The following NUAK1 variants were observed in gnomAD, a reference collection of about 807,000 sequenced individuals.
NUAK1 encodes the protein NUAK family kinase 1.
A neutral mutation model predicts 56.9 loss-of-function variants in NUAK1; 26 were observed. The ratio of observed to expected loss-of-function variants is 0.46; its 90% CI spans 0.33 to 0.63. The LOEUF (loss-of-function observed/expected upper bound fraction) is 0.63. Ranked by LOEUF, NUAK1 falls within the 30% of genes least tolerant of loss-of-function variation. NUAK1 has a pLI of 0.02. For missense variants in NUAK1, 727 were observed against 876.1 expected (o/e 0.83, Z 2.15); for synonymous variants, 337 against 336.0 (o/e 1.00, Z -0.03).
intron 1 of NUAK1, among the ~76,000 whole-genome samples, chr12:106,118,716 C>T (rs1469317323): frequency 2.0e-5 from 3 of 152,162 alleles, no homozygotes; most frequent in African/African-American, 7.2e-5. Context: ...ACACAAATAC[C>T]AATATTCCCC....
At chr12:106,110,094 T>C (rs1184805047) in intron 1 of NUAK1, among the ~76,000 whole-genome samples, 1 of 152,168 alleles carries the variant, frequency 6.6e-6, no homozygotes, top group Non-Finnish European at 1.5e-5. Flanking sequence ...CACACCATTA[T>C]CAGCAGGGCT....
chr12:106,109,240 A>G (rs1051087872), intron 1 of NUAK1, among the ~76,000 whole-genome samples: 4 of 152,202 alleles, frequency 2.6e-5, no homozygotes, highest in African/African-American at 9.6e-5. Flanking sequence ...CACTACTACT[A>G]CTAATAGTAA....
chr12:106,101,827 C>G lies in NUAK1; in HGVS notation c.361+4578G>C, dbSNP rs193291062. The stretch of plus-strand genomic sequence containing the variant: ...ACCAGATGTGGGAGGCCTTTGTAAA[C>G]TATGAAGAGTTCTACAGATGGCAGG... On this transcript the variant is annotated intron_variant, in intron 2 of 6. Transcript: ENST00000261402. Among the ~76,000 whole-genome samples, 402 of 152,278 alleles carry G rather than the reference C, an allele frequency of 2.6e-3. 4 individuals are homozygous for G. The highest frequency in any genetic ancestry group is 0.012 in the Admixed American group (191 of 15,284).
At chr12:106,085,822 TCAGCCTCCCAAA>T (rs1456316583) in intron 3 of NUAK1, among the ~76,000 whole-genome samples, 2 of 152,134 alleles carry the variant, frequency 1.3e-5, no homozygotes, top group East Asian at 1.9e-4. Context: ...TCCTCCTGTC[TCAGCCTCCCAAA>T]CAGCTGGGAC....
At chr12:106,080,296 T>G (rs2032503036) in intron 4 of NUAK1, among the ~76,000 whole-genome samples, 2 of 152,200 alleles carry the variant, frequency 1.3e-5, no homozygotes, top group Admixed American at 1.3e-4. Context: ...GCTCACCAGA[T>G]TCCCAGCCCT....
At chr12:106,136,004 C>A (rs145466707) in intron 1 of NUAK1, among the ~76,000 whole-genome samples, 1 of 152,152 alleles carries the variant, frequency 6.6e-6, no homozygotes, top group African/African-American at 2.4e-5. Flanking sequence ...TTCTTAACAC[C>A]ATCTGTGAGC....
intron 1 of NUAK1, among the ~76,000 whole-genome samples, chr12:106,135,754 TCTC>T (rs1052544202): frequency 1.3e-5 from 2 of 152,170 alleles, no homozygotes; most frequent in Non-Finnish European, 2.9e-5. Flanking sequence ...CCCTTTCAGT[TCTC>T]CTCAACTGCA....
At chr12:106,101,444 A>C (rs2032746954) in intron 2 of NUAK1, among the ~76,000 whole-genome samples, 1 of 152,190 alleles carries the variant, frequency 6.6e-6, no homozygotes, top group Non-Finnish European at 1.5e-5. Context: ...ATAAGTTAAA[A>C]TGAGGTCCTT....
At chr12:106,071,919 C>A (rs1169096613) in intron 5 of NUAK1, among the ~76,000 whole-genome samples, 3 of 152,166 alleles carry the variant, frequency 2.0e-5, no homozygotes, top group Non-Finnish European at 4.4e-5. Flanking sequence ...AACATTTCAA[C>A]ACACTGAGCA....
intron 4 of NUAK1, among the ~76,000 whole-genome samples, chr12:106,083,331 G>A (rs188027436): frequency 5.9e-5 from 9 of 152,264 alleles, no homozygotes; most frequent in African/African-American, 1.7e-4. Flanking sequence ...CAAGCAAAGC[G>A]ACTTGAATTT....
chr12:106,112,670 G>A (rs12316982), intron 1 of NUAK1, among the ~76,000 whole-genome samples: 37,635 of 152,114 alleles, frequency 0.25, 7,918 homozygotes, highest in African/African-American at 0.58. Flanking sequence ...GGGGCCCATG[G>A]GCCTCTTCTT....
chr12:106,107,185 G>T (rs979302670), intron 1 of NUAK1, among the ~76,000 whole-genome samples: 1 of 151,944 alleles, frequency 6.6e-6, no homozygotes, highest in Non-Finnish European at 1.5e-5. Context: ...CTCCCTGCCC[G>T]GCCCCTGTCA....
intron 1 of NUAK1, among the ~76,000 whole-genome samples, chr12:106,122,374 G>C (rs543454755): frequency 4.6e-5 from 7 of 152,342 alleles, no homozygotes; most frequent in African/African-American, 1.7e-4. Context: ...ACATGGGCAA[G>C]TGACTTAGTT....
At chr12:106,081,782 C>T (rs1486698217) in intron 4 of NUAK1, among the ~76,000 whole-genome samples, 1 of 152,210 alleles carries the variant, frequency 6.6e-6, no homozygotes, top group Non-Finnish European at 1.5e-5. Flanking sequence ...CACACTGCAC[C>T]ATAGAACCCA....
chr12:106,065,789 T>C lies in NUAK1; in HGVS notation c.*1013A>G, dbSNP rs538304519. 2 of 152,658 alleles carry C rather than the reference T, an allele frequency of 1.3e-5. No homozygotes were observed. Among genetic ancestry groups the C allele is most frequent in the African/African-American group, 2.4e-5 (1 of 41,452 alleles). 9.5% of individuals were successfully genotyped at this position (152,658 alleles called of 1,614,324 possible). Reference sequence around the variant, plus strand: ...CCAAGAGGCAGCATTCCAGTTAATATTGAGAAAGAAAGTGACAAGTTGCCT... The same window carrying C: ...CCAAGAGGCAGCATTCCAGTTAATACTGAGAAAGAAAGTGACAAGTTGCCT... On this transcript the variant is annotated 3_prime_UTR_variant, in exon 7 of 7. Transcript: ENST00000261402.
At chr12:106,105,126 G>A (rs1382578363) in intron 2 of NUAK1, among the ~76,000 whole-genome samples, 1 of 151,878 alleles carries the variant, frequency 6.6e-6, no homozygotes, top group Non-Finnish European at 1.5e-5. Context: ...ACTACTTTTT[G>A]TATTTTTAGT....
At position 106,074,541 on chromosome 12, in the gene NUAK1, A is replaced by C. The variant is rs1187878118; in HGVS notation, c.580-1698T>G. Among the ~76,000 whole-genome samples, 4 of 152,134 alleles carry C rather than the reference A, an allele frequency of 2.6e-5. No individual in the cohort carries two copies. In the East Asian group the frequency reaches 7.7e-4, roughly 29 times the overall value. ...AGCAATATAAACCCCCGTGTCTCTA[A>C]AGCTTCAAACCACAGTGCCACCCTG... is the stretch of plus-strand genomic sequence containing the variant. On this transcript the variant is annotated intron_variant, in intron 4 of 6. Transcript: ENST00000261402.
At chr12:106,115,165 T>C (rs1375070403) in intron 1 of NUAK1, among the ~76,000 whole-genome samples, 1 of 152,182 alleles carries the variant, frequency 6.6e-6, no homozygotes, top group Non-Finnish European at 1.5e-5. Flanking sequence ...CACAAAAACC[T>C]AAGAAGCAAA....
chr12:106,123,474 G>A (rs891546489), intron 1 of NUAK1, among the ~76,000 whole-genome samples: 4 of 152,136 alleles, frequency 2.6e-5, no homozygotes, highest in African/African-American at 4.8e-5. Flanking sequence ...ATAGCCATAT[G>A]TGCCCATATT....
Sources: allele counts gnomAD v4.1 joint callset (sites outside exome capture counted in the v4.1 genomes callset), GRCh38; gene constraint gnomAD v4.1.1; transcripts MANE v1.5; gene names NCBI Gene and HGNC (gene_info 2026-07-23, HGNC 2026-07-21).